Variants in SLC36A2 observed in about 807,000 individuals in gnomAD.
SLC36A2 encodes solute carrier family 36 member 2, also known as proton-coupled amino acid transporter 2.
SLC36A2 carries 39 observed loss-of-function variants against 42.7 expected under a neutral mutation model. The ratio of observed to expected loss-of-function variants is 0.91; its 90% confidence interval spans 0.71 to 1.19. The LOEUF is 1.19. Among genes scored for constraint, SLC36A2 ranks in the 50% most tolerant of loss-of-function variants. The probability of loss-of-function intolerance (pLI) is 0.00; values close to 1 mark genes in which losing one functional copy is unlikely to be tolerated. For synonymous variants in SLC36A2, 237 were observed against 240.8 expected, an observed-to-expected ratio of 0.98 and a Z score of 0.15; for missense variants, 590 against 613.7, an observed-to-expected ratio of 0.96 and a Z score of 0.41.
chr5:151,346,737 A>G (rs1388155222), intron 1 of SLC36A2, among the ~76,000 whole-genome samples: 2 of 152,126 alleles, frequency 1.3e-5, no homozygotes, highest in Non-Finnish European at 2.9e-5. Flanking sequence ...AGCCTTGTGA[A>G]TAACCCCCAC....
chr5:151,323,417 T>A (rs527296247), intron 8 of SLC36A2, among the ~76,000 whole-genome samples: 1 of 152,160 alleles, frequency 6.6e-6, no homozygotes, highest in African/African-American at 2.4e-5. Flanking sequence ...CCCCTCCAAG[T>A]TTTTGAAATT....
At chr5:151,338,441 C>T (rs1756219380) in intron 5 of SLC36A2, among the ~76,000 whole-genome samples, 1 of 152,078 alleles carries the variant, frequency 6.6e-6, no homozygotes, top group Non-Finnish European at 1.5e-5. Flanking sequence ...CTTTGGGAGA[C>T]AGTGGGAGGC....
In SLC36A2 at chr5:151,320,511, C is replaced by T. The variant is rs116023397; in HGVS notation, c.1180+1535G>A. 2.9e-3 allele frequency among the ~76,000 whole-genome samples: 441 copies of T among 152,206 alleles called. 5 individuals carry two copies. The highest frequency in any genetic ancestry group is 0.01 in the African/African-American group (426 of 41,522). On this transcript the variant is annotated intron_variant, in intron 9 of 9. Coordinates refer to ENST00000335244, the MANE Select transcript of SLC36A2 (RefSeq NM_181776.3). The stretch of plus-strand genomic sequence containing the variant: ...TAAAAAGAAGACACTTTTGCAATTA[C>T]AATCAAAAGGCATCTTAGGGACAGC...
rs745409983 is a variant in SLC36A2, at chr5:151,322,149, G to C, written c.1077C>G (p.Tyr359Ter). ...GILCTYALQF[Y>*]VPAEIIIPFA... ...AGGGGATGATGATTTCTGCAGGGACGTAGAACTGCAGGGCATAGGTGCACA... is the reference window on the plus strand; with the variant it reads ...AGGGGATGATGATTTCTGCAGGGACCTAGAACTGCAGGGCATAGGTGCACA... Residue 359 changes from tyrosine (Y) to a stop codon, truncating the protein, a stop_gained, in exon 9 of 10, where the codon TAC becomes TAG. Transcript: ENST00000335244. LOFTEE classifies it high-confidence loss of function. 1.2e-6 allele frequency: 2 copies of C among 1,614,018 alleles called. No individual in the cohort carries two copies. Among genetic ancestry groups the C allele is most frequent in the Admixed American group, 1.7e-5 (1 of 59,988 alleles).
intron 7 of SLC36A2, among the ~76,000 whole-genome samples, 157 bp from the exon 8 acceptor site, chr5:151,325,609 A>C (rs1755832258): frequency 6.6e-6 from 1 of 152,232 alleles, no homozygotes; most frequent in Admixed American, 6.5e-5. Context: ...CACATAGCCA[A>C]AAGGTGGAAG....
Position 151,341,222 on chromosome 5 carries a change from A to C in SLC36A2, c.440+1666T>G, listed in dbSNP as rs140461504. Among the ~76,000 whole-genome samples the C allele has an allele frequency of 3.8e-3, 584 of 152,308 alleles. 6 individuals carry two copies. The highest frequency in any genetic ancestry group is 0.013 in the African/African-American group (553 of 41,562). On this transcript the variant is annotated intron_variant, in intron 4 of 9. Transcript: ENST00000335244. The stretch of plus-strand genomic sequence containing the variant: ...GGGAAATCTTCTTTATATGCCCAAC[A>C]ACAAGTAGAAGGATTTGACAGTCTG...
rs1370975742 is a variant in SLC36A2 at position 151,333,258 on chromosome 5, C to A, written c.809G>T (p.Gly270Val). The A allele has an allele frequency of 2.5e-6, 4 of 1,613,908 alleles. No individual in the cohort carries two copies. Among genetic ancestry groups the A allele is most frequent in the East Asian group, 4.5e-5 (2 of 44,884 alleles). Residue 270 changes from glycine (G) to valine (V), a missense_variant, in exon 7 of 10, where the codon GGA becomes GTA. Coordinates refer to ENST00000335244, the MANE Select transcript of SLC36A2 (RefSeq NM_181776.3). ...GCTTTCAAAAGAAAAAATGGCTGTT[C>A]CGAAGAAGAGAGGGTAGGTCTTCCA... The part of the protein sequence containing the change: ...ASWKTYPLFF[G>V]TAIFSFESIG...
In SLC36A2 at chr5:151,322,123, A is replaced by G. The variant is rs1187234275; in HGVS notation, c.1103T>C (p.Phe368Ser). 7 of 1,614,038 alleles carry G rather than the reference A, an allele frequency of 4.3e-6. No individual in the cohort carries two copies. The highest frequency in any genetic ancestry group is 5.9e-6 in the Non-Finnish European group (7 of 1,180,022). ...GCGTGTTGACACCCGGGAGATGGCA[A>G]AGGGGATGATGATTTCTGCAGGGAC... Reference protein sequence around the residue: ...FYVPAEIIIPFAISRVSTRWA... With the variant: ...FYVPAEIIIPSAISRVSTRWA... The change falls in exon 9 of 10, where the codon TTT becomes TCT. Residue 368 changes from phenylalanine (F) to serine (S), a missense_variant. Physicochemically the swap from Phe to Ser is radical, Grantham distance 155. Transcript: ENST00000335244.
rs143797491 is a variant in SLC36A2, at chr5:151,346,970, C to T, written c.164+327G>A. 2.8e-3 allele frequency among the ~76,000 whole-genome samples: 428 copies of T among 152,282 alleles called. 2 individuals carry two copies. Among genetic ancestry groups the T allele is most frequent in the African/African-American group, 1.0e-2 (414 of 41,558 alleles). On this transcript the variant is annotated intron_variant, in intron 1 of 9. Transcript: ENST00000335244. ...CTACCTCTATCCCCAATCTTAACAT[C>T]GCTGGCCAGGAACAAAAATGTGGCT...
chr5:151,328,617 A>T (rs1410682875), intron 7 of SLC36A2, among the ~76,000 whole-genome samples: 1 of 152,248 alleles, frequency 6.6e-6, no homozygotes, highest in Non-Finnish European at 1.5e-5. Context: ...CAGTGGCTGT[A>T]GTGGTCACAC....
chr5:151,332,621 A>T (rs1756030234), intron 7 of SLC36A2: 3 of 321,784 alleles, frequency 9.3e-6, no homozygotes, highest in Non-Finnish European at 1.8e-5. Flanking sequence ...TCAATCTCAT[A>T]CATACTGTAT....
chr5:151,321,818 C>T, intron 9 of SLC36A2: 1 of 482,750 alleles, frequency 2.1e-6, no homozygotes, highest in Non-Finnish European at 3.9e-6. Flanking sequence ...GCTGGGATTA[C>T]AGGCACGTGC....
chr5:151,334,855 T>A (rs1248244534), intron 6 of SLC36A2, among the ~76,000 whole-genome samples: 1 of 152,014 alleles, frequency 6.6e-6, no homozygotes, highest in Non-Finnish European at 1.5e-5. Context: ...ACAAGACACT[T>A]ATTGAAAGCT....
Position 151,342,948 on chromosome 5 carries a change from ACCGTGTCCCCATAGT to A in SLC36A2, c.365_379del (p.Asp122_Thr126del), listed in dbSNP as rs1756389615. ...GGGGTTGGCTTCTAGTCCATGCATCACCGTGTCCCCATAGTCCATAAAGGGCTTGTTAAGCCTGCA... is the reference window on the plus strand; with the variant it reads ...GGGGTTGGCTTCTAGTCCATGCATCACCATAAAGGGCTTGTTAAGCCTGCA... On this transcript the variant is annotated inframe_deletion, in exon 4 of 10. Coordinates refer to ENST00000335244, the MANE Select transcript of SLC36A2 (RefSeq NM_181776.3). 6.2e-7 allele frequency: 1 copy of A among 1,613,964 alleles called. No individual in the cohort carries two copies. The highest frequency in any genetic ancestry group is 1.3e-5 in the African/African-American group (1 of 74,892).
chr5:151,334,661 A>C lies in SLC36A2; in HGVS notation c.744+668T>G, dbSNP rs985286211. On this transcript the variant is annotated intron_variant, in intron 6 of 9. Transcript: ENST00000335244. ...AGCTGAGATTGTACCGCTGCACTCCAGCCTGGGTGAAAGATCGAGAGTCTG... is the reference window on the plus strand; with the variant it reads ...AGCTGAGATTGTACCGCTGCACTCCCGCCTGGGTGAAAGATCGAGAGTCTG... 2.0e-5 allele frequency among the ~76,000 whole-genome samples: 3 copies of C among 152,284 alleles called. No individual in the cohort carries two copies. In the South Asian group the frequency reaches 6.2e-4, roughly 32 times the overall value.
In SLC36A2 at chr5:151,325,448, A is replaced by G; in HGVS notation, c.848T>C (p.Leu283Pro). The change falls in exon 8 of 10, where the codon CTG becomes CCG. Residue 283 changes from leucine (L) to proline (P), a missense_variant. Physicochemically the swap from Leu to Pro is moderately conservative, Grantham distance 98. Coordinates refer to ENST00000335244, the MANE Select transcript of SLC36A2 (RefSeq NM_181776.3). ...ATTCTTCATCTTGTTTTCCAGAGGC[A>G]GAACCTACAGAAACATCACAATGTA... ...IFSFESIGVV[L>P]PLENKMKNAR... 6.2e-7 allele frequency: 1 copy of G among 1,614,104 alleles called. No individual in the cohort carries two copies. The highest frequency in any genetic ancestry group is 1.1e-5 in the South Asian group (1 of 91,086).
Position 151,342,901 on chromosome 5 carries a change from C to T in SLC36A2, c.427G>A (p.Ala143Thr), listed in dbSNP as rs768169962. 3.7e-5 allele frequency: 59 copies of T among 1,613,858 alleles called. No individual in the cohort carries two copies. The highest frequency in any genetic ancestry group is 4.6e-5 in the Non-Finnish European group (54 of 1,179,884). ...ANPNAWLQNH[A>T]HWGRHIVSFF... Reference sequence around the variant, plus strand: ...AGAACAGGTTACCTTCCCCAGTGAGCGTGATTCTGGAGCCAGGCGTTGGGG... The same window carrying T: ...AGAACAGGTTACCTTCCCCAGTGAGTGTGATTCTGGAGCCAGGCGTTGGGG... The change falls in exon 4 of 10, where the codon GCT (alanine) becomes ACT (threonine). Residue 143 changes from alanine to threonine, a missense_variant. Physicochemically the swap from Ala to Thr is moderately conservative, Grantham distance 58. Transcript: ENST00000335244.
chr5:151,342,817 A>T (rs1756384220), intron 4 of SLC36A2, 71 bp downstream of exon 4: 2 of 1,317,868 alleles, frequency 1.5e-6, no homozygotes. Context: ...TCCAGGGAAG[A>T]AGTCACCCTG....
intron 4 of SLC36A2, among the ~76,000 whole-genome samples, 191 bp downstream of exon 4, chr5:151,342,697 G>A (rs1443774901): frequency 6.6e-6 from 1 of 152,194 alleles, no homozygotes; most frequent in Non-Finnish European, 1.5e-5. Flanking sequence ...GCAAAGGAAT[G>A]AGTATCCTGT....
Sources: gnomAD v4.1 joint callset for allele counts (sites outside exome capture counted in the v4.1 genomes callset) on GRCh38, gnomAD v4.1.1 for gene constraint, MANE v1.5 for transcripts, NCBI Gene and HGNC (gene_info 2026-07-23, HGNC 2026-07-21) for gene names.